The following TXLNB variants were observed in gnomAD, a reference collection of about 807,000 sequenced individuals.
TXLNB encodes beta-taxilin.
Under a neutral mutation model 57.4 loss-of-function variants are expected in TXLNB, and 37 were observed. That is an observed-to-expected ratio of 0.64 (90% confidence interval 0.50 to 0.85). The LOEUF (loss-of-function observed/expected upper bound fraction) is 0.85, where lower values mean the gene tolerates loss of function less well. Ranked by LOEUF, TXLNB falls within the 40% of genes least tolerant of loss-of-function variation. The pLI is 0.00. For missense variants in TXLNB, 848 were observed against 825.6 expected, an observed-to-expected ratio of 1.03 and a Z score of -0.33; for synonymous variants, 302 against 309.6, an observed-to-expected ratio of 0.98 and a Z score of 0.26.
intron 4 of TXLNB, among the ~76,000 whole-genome samples, chr6:139,267,007 G>A (rs1189440902): frequency 1.5e-5 from 2 of 137,928 alleles, no homozygotes; most frequent in Admixed American, 7.3e-5. Flanking sequence ...TCTCAATGCA[G>A]AATTCTATAT....
Position 139,242,374 on chromosome 6 carries a change from G to C in TXLNB, c.*152C>G. The C allele has an allele frequency of 1.8e-6, 1 of 541,992 alleles. No homozygotes were observed. The highest frequency in any genetic ancestry group is 2.9e-6 in the Non-Finnish European group (1 of 350,128). 33.6% of individuals were successfully genotyped at this position (541,992 alleles called of 1,614,324 possible). On this transcript the variant is annotated 3_prime_UTR_variant, in exon 10 of 10. Coordinates refer to ENST00000358430, the MANE Select transcript of TXLNB (RefSeq NM_153235.4). ...AAATTGACAACAAATAGCAAAGTCT[G>C]AATGAATGTGTTCTGCCTAACATTA...
At chr6:139,276,078 A>T (rs912744483) in intron 3 of TXLNB, among the ~76,000 whole-genome samples, 2 of 152,342 alleles carry the variant, frequency 1.3e-5, no homozygotes, top group Admixed American at 1.3e-4. Context: ...CATAAAATAG[A>T]TTTCCTTGTT....
At chr6:139,313,142 G>A in the TXLNB span, among the ~76,000 whole-genome samples, 2 of 151,130 alleles carry the variant, frequency 1.3e-5, no homozygotes, top group African/African-American at 2.4e-5. Context: ...GCGCGATCTC[G>A]GCTCGCTGCA....
chr6:139,234,360 C>T, the TXLNB span: 1 of 152,364 alleles, frequency 6.6e-6, no homozygotes, highest in South Asian at 2.1e-4. Context: ...CATAGCGGCA[C>T]CTCTTATCAC....
At chr6:139,163,967 G>T in the TXLNB span, among the ~76,000 whole-genome samples, 1 of 151,998 alleles carries the variant, frequency 6.6e-6, no homozygotes, top group African/African-American at 2.4e-5. Context: ...AAATCAGTGG[G>T]TCCTAAATAG....
the TXLNB span, among the ~76,000 whole-genome samples, chr6:139,300,482 T>TTA: frequency 6.6e-6 from 1 of 152,164 alleles, no homozygotes; most frequent in African/African-American, 2.4e-5. Flanking sequence ...GGTGAGGGGA[T>TTA]GCCTAGGCTA....
intron 8 of TXLNB, among the ~76,000 whole-genome samples, chr6:139,246,476 A>C (rs1326959673): frequency 6.6e-6 from 1 of 152,264 alleles, no homozygotes; most frequent in African/African-American, 2.4e-5. Context: ...GACACTGAAC[A>C]AGCTTTAAAC....
chr6:139,321,972 T>TC, the TXLNB span, among the ~76,000 whole-genome samples: 2 of 151,620 alleles, frequency 1.3e-5, no homozygotes, highest in South Asian at 4.2e-4. Flanking sequence ...ATTAATTTTT[T>TC]TTTTTTTAAG....
At chr6:139,220,595 T>C in the TXLNB span, among the ~76,000 whole-genome samples, 1 of 152,194 alleles carries the variant, frequency 6.6e-6, no homozygotes, top group Non-Finnish European at 1.5e-5. Context: ...ATGCCTGGCA[T>C]ATGTGCTGCC....
the TXLNB span, among the ~76,000 whole-genome samples, chr6:139,172,396 A>G: frequency 4.2e-4 from 64 of 151,592 alleles, no homozygotes; most frequent in Non-Finnish European, 5.3e-4. Flanking sequence ...CTGGATTACT[A>G]CTCCCTCGCC....
chr6:139,231,709 A>G, the TXLNB span, among the ~76,000 whole-genome samples: 106,495 of 151,794 alleles, frequency 0.7, 38,084 homozygotes, highest in East Asian at 0.81. Flanking sequence ...AAATCCTTAC[A>G]TATCTAGTAA....
chr6:139,176,786 G>C, the TXLNB span, among the ~76,000 whole-genome samples: 60 of 152,278 alleles, frequency 3.9e-4, no homozygotes, highest in East Asian at 9.1e-3. The surrounding 1 kb of genome is among the most constrained non-coding windows in gnomAD (Gnocchi z 4.5). Flanking sequence ...GAGAAGTTGG[G>C]AGTCTTTCAG....
the TXLNB span, among the ~76,000 whole-genome samples, chr6:139,216,228 T>G: frequency 6.6e-6 from 1 of 151,588 alleles, no homozygotes; most frequent in Non-Finnish European, 1.5e-5. Context: ...CCAACCCAAA[T>G]GTCCAACAAT....
chr6:139,233,160 C>T, the TXLNB span, among the ~76,000 whole-genome samples: 4,144 of 151,802 alleles, frequency 0.027, 213 homozygotes, highest in African/African-American at 0.095. Context: ...ACTGTGTCCT[C>T]CCTAAAAGCC....
At chr6:139,246,540 G>C (rs1776070086) in intron 8 of TXLNB, among the ~76,000 whole-genome samples, 1 of 152,044 alleles carries the variant, frequency 6.6e-6, no homozygotes, top group Non-Finnish European at 1.5e-5. Flanking sequence ...CATGTAAAAA[G>C]TTAAAATCCC....
At chr6:139,299,996 A>G in the TXLNB span, among the ~76,000 whole-genome samples, 1 of 152,010 alleles carries the variant, frequency 6.6e-6, no homozygotes, top group Non-Finnish European at 1.5e-5. Flanking sequence ...AACTAACTAT[A>G]AGGTTCATTT....
At chr6:139,276,705 G>T in intron 3 of TXLNB, 125 bp downstream of exon 3, 1 of 708,664 alleles carries the variant, frequency 1.4e-6, no homozygotes, top group Non-Finnish European at 2.4e-6. Flanking sequence ...CAGGGTTAGC[G>T]CACAGACCTC....
At chr6:139,239,667 A>T (rs545005770), downstream of TXLNB, 2 of 152,096 alleles carry the variant, frequency 1.3e-5, no homozygotes, top group East Asian at 3.9e-4. This position sits in a 1 kb window ranked among gnomAD's most constrained non-coding sequence, Gnocchi z 4.7. Context: ...TAATTTTTTT[A>T]AAACATTTTT....
rs1340956173 is a variant in TXLNB, at chr6:139,253,222, CCAGA to C, written c.1077+2338_1077+2341del. Among the ~76,000 whole-genome samples the C allele has an allele frequency of 2.0e-5, 3 of 152,240 alleles. No homozygotes were observed. In the East Asian group the frequency reaches 5.8e-4, roughly 29 times the overall value. On this transcript the variant is annotated intron_variant, in intron 7 of 9. Coordinates refer to ENST00000358430, the MANE Select transcript of TXLNB (RefSeq NM_153235.4). ...TTGAATTAATTATGCTTATTTTGGG[CCAGA>C]CACTGAGCAAAATGCTTTGGATGCA...
Sources: gnomAD v4.1 joint callset for allele counts (sites outside exome capture counted in the v4.1 genomes callset) on GRCh38, gnomAD v4.1.1 for gene constraint, Gnocchi (gnomAD v3.1) non-coding constraint, MANE v1.5 for transcripts, NCBI Gene and HGNC (gene_info 2026-07-23, HGNC 2026-07-21) for gene names.